Variants in PSMD6 observed in about 807,000 individuals in gnomAD.
PSMD6 encodes 26S proteasome non-ATPase regulatory subunit 6.
In PSMD6, 7 loss-of-function variants were observed where a neutral mutation model predicts 44.9. The observed-to-expected ratio is 0.16, with a 90% CI of 0.09 to 0.29. PSMD6 has a LOEUF of 0.29. Ranked by LOEUF, PSMD6 falls within the 10% of genes least tolerant of loss-of-function variation. PSMD6 has a pLI of 1.00. For missense variants in PSMD6, 420 were observed against 482.6 expected (o/e 0.87, Z 1.21); for synonymous variants, 184 against 172.7 (o/e 1.07, Z -0.51).
chr3:64,021,500 T>C (rs72878922), intron 2 of PSMD6, among the ~76,000 whole-genome samples: 7,481 of 152,298 alleles, frequency 0.049, 462 homozygotes, highest in African/African-American at 0.15. Flanking sequence ...CTTTTACATA[T>C]AAAATTTTAC....
intron 2 of PSMD6, among the ~76,000 whole-genome samples, chr3:64,020,712 C>T (rs959934766): frequency 5.3e-5 from 8 of 152,174 alleles, no homozygotes; most frequent in African/African-American, 1.9e-4. Flanking sequence ...CCAGTCTAAG[C>T]TTTTTCCTAT....
rs1186854907 is a variant in PSMD6 at position 64,022,299 on chromosome 3, G to A, written c.351+19C>T. On this transcript the variant is annotated intron_variant, in intron 2 of 7. Transcript: ENST00000295901. Reference sequence around the variant, plus strand: ...TTAGCCTATACTAACTACAGAGAGGGAAAACCATCTCTACTCACTTTGTCA... The same window carrying A: ...TTAGCCTATACTAACTACAGAGAGGAAAAACCATCTCTACTCACTTTGTCA... 12 of 1,613,374 alleles carry A rather than the reference G, an allele frequency of 7.4e-6. No homozygotes were observed. Among genetic ancestry groups the A allele is most frequent in the Non-Finnish European group, 1.0e-5 (12 of 1,179,546 alleles).
chr3:64,020,891 A>C (rs368959728), intron 2 of PSMD6, among the ~76,000 whole-genome samples: 1 of 152,162 alleles, frequency 6.6e-6, no homozygotes, highest in African/African-American at 2.4e-5. Context: ...TTCTATACCT[A>C]AATACTTCCA....
intron 2 of PSMD6, 100 bp downstream of exon 2, chr3:64,022,218 C>G: frequency 7.5e-7 from 1 of 1,334,190 alleles, no homozygotes; most frequent in Admixed American, 2.0e-5. Flanking sequence ...TATACTTTTT[C>G]TAAAACGAAG....
rs755052838 is a variant in PSMD6, at chr3:64,013,546, T to A, written c.888A>T (p.Val296=). The part of the protein sequence containing the change: ...WLFAPHYRYY[V]REMRIHAYSQ... ...TGTATGCATGAATTCTCATTTCTCT[T>A]ACATAGTATCGATAATGAGGGGCAA... is the stretch of plus-strand genomic sequence containing the variant. The change falls in exon 6 of 8, where the codon GTA becomes GTT. Residue 296 remains valine, a synonymous_variant. Coordinates refer to ENST00000295901, the MANE Select transcript of PSMD6 (RefSeq NM_014814.3). 6.2e-7 allele frequency: 1 copy of A among 1,613,668 alleles called. No homozygotes were observed. Among genetic ancestry groups the A allele is most frequent in the South Asian group, 1.1e-5 (1 of 91,004 alleles).
chr3:64,018,999 C>A lies in PSMD6; in HGVS notation c.536G>T (p.Arg179Leu). Residue 179 changes from arginine (R) to leucine (L), a missense_variant, in exon 4 of 8, where the codon CGC becomes CTC. By Grantham distance (102) the Arg-to-Leu change is moderately radical (BLOSUM62 -2). Around this residue, in one of 4 missense-constraint regions of PSMD6, gnomAD observed 216 missense variants for 227.0 expected, o/e 0.95. Transcript: ENST00000295901. Reference sequence around the variant, plus strand: ...ATAAAGACCCTGATACACTTTTAGGCGGTTTCTCCTGTCCCAGTCTCCTCC... The same window carrying A: ...ATAAAGACCCTGATACACTTTTAGGAGGTTTCTCCTGTCCCAGTCTCCTCC... ...EEGGDWDRRN[R>L]LKVYQGLYCV... 1 of 1,612,040 alleles carries A rather than the reference C, an allele frequency of 6.2e-7. No individual in the cohort carries two copies. The highest frequency in any genetic ancestry group is 8.5e-7 in the Non-Finnish European group (1 of 1,178,160).
chr3:64,020,764 TAC>T (rs1323090445), intron 2 of PSMD6, among the ~76,000 whole-genome samples: 2 of 152,250 alleles, frequency 1.3e-5, no homozygotes, highest in Non-Finnish European at 2.9e-5. Context: ...ACTCCTGTTT[TAC>T]ACATGAGGAA....
chr3:64,012,804 A>C (rs2075981706), intron 6 of PSMD6: 1 of 152,170 alleles, frequency 6.6e-6, no homozygotes, highest in Non-Finnish European at 1.5e-5. Context: ...TCACCTCCTT[A>C]AGCATGCCGT....
In PSMD6 at chr3:64,019,459, G is replaced by A. The variant is rs1187303153; in HGVS notation, c.352-18C>T. The A allele has an allele frequency of 1.2e-6, 2 of 1,602,320 alleles. No homozygotes were observed. The highest frequency in any genetic ancestry group is 2.2e-5 in the East Asian group (1 of 44,750). On this transcript the variant is annotated intron_variant, in intron 2 of 7. Coordinates refer to ENST00000295901, the MANE Select transcript of PSMD6 (RefSeq NM_014814.3). The stretch of plus-strand genomic sequence containing the variant: ...GCTCCCTCCTGTCAAGAAAGCCAAG[G>A]CAATAGGTGAGAAAAGGCTACAAGT...
At chr3:64,018,275 G>C (rs2076078189) in intron 5 of PSMD6, 1 of 183,048 alleles carries the variant, frequency 5.5e-6, no homozygotes, top group Admixed American at 5.6e-5. Flanking sequence ...TTAACCAGGG[G>C]TCTGGCAAAT....
At chr3:64,022,747 G>T in intron 1 of PSMD6, 1 of 1,536,514 alleles carries the variant, frequency 6.5e-7, no homozygotes, top group Non-Finnish European at 8.7e-7. Context: ...ACCTCTACTA[G>T]GGCTGGAGGG....
At chr3:64,019,265 G>A in intron 3 of PSMD6, 31 bp downstream of exon 3, 1 of 1,541,228 alleles carries the variant, frequency 6.5e-7, no homozygotes, top group Non-Finnish European at 8.9e-7. Flanking sequence ...TCATAATTTA[G>A]AGAAAATATA....
chr3:64,013,688 T>C (rs1381994306), intron 5 of PSMD6, 81 bp from the exon 6 acceptor site: 2 of 1,272,228 alleles, frequency 1.6e-6, no homozygotes, highest in Non-Finnish European at 2.1e-6. Context: ...CACTACTAGT[T>C]GAGTCCAACA....
At chr3:64,016,818 T>TCCA (rs1279238473) in intron 5 of PSMD6, 1 of 152,140 alleles carries the variant, frequency 6.6e-6, no homozygotes, top group Non-Finnish European at 1.5e-5. Context: ...ATGCAGCCAT[T>TCCA]CCACTCCATA....
intron 4 of PSMD6, 26 bp from the exon 5 acceptor site, chr3:64,018,733 CA>C (rs11376250): frequency 1.9e-5 from 28 of 1,510,728 alleles, no homozygotes; most frequent in African/African-American, 2.9e-5. Flanking sequence ...AACATATATA[CA>C]AAAAAAATGT....
Position 64,023,069 on chromosome 3 carries a change from G to C in PSMD6, c.145+206C>G, listed in dbSNP as rs887988165. The C allele has an allele frequency of 3.5e-6, 5 of 1,429,474 alleles. No homozygotes were observed. In the African/African-American group the frequency reaches 4.3e-5, roughly 12 times the overall value. The allele number at this position is 1,429,474 out of a possible 1,614,324, so 88.5% of individuals were successfully genotyped here. A position where few individuals can be genotyped will look rare whatever the true frequency, so the allele number is the denominator to read the frequency against. On this transcript the variant is annotated intron_variant, in intron 1 of 7. Transcript: ENST00000295901. ...CCCTTACAGGGGAAGGCGGCACAGAGAGATGCAGACCCCGCTGAGGCAAGT... is the reference window on the plus strand; with the variant it reads ...CCCTTACAGGGGAAGGCGGCACAGACAGATGCAGACCCCGCTGAGGCAAGT...
In PSMD6 at chr3:64,010,740, G is replaced by A. The variant is rs145261156; in HGVS notation, c.1098C>T (p.Tyr366=). Residue 366 remains tyrosine (Y), a synonymous_variant, in exon 8 of 8, where the codon TAC becomes TAT. Transcript: ENST00000295901. ...TNRPDSKNWQ[Y]QETIKKGDLL... The stretch of plus-strand genomic sequence containing the variant: ...GATCTCCTTTCTTGATAGTTTCTTG[G>A]TACTGCCAGTTCTTGCTATCAGGTC... 2.0e-4 allele frequency: 314 copies of A among 1,609,940 alleles called. No individual in the cohort carries two copies. The highest frequency in any genetic ancestry group is 2.4e-4 in the Non-Finnish European group (286 of 1,177,086).
Position 64,010,551 on chromosome 3 carries a change from G to C in PSMD6, c.*117C>G. The C allele has an allele frequency of 1.4e-6, 1 of 696,954 alleles. No individual in the cohort carries two copies. The highest frequency in any genetic ancestry group is 2.3e-6 in the Non-Finnish European group (1 of 441,716). 43.2% of individuals were successfully genotyped at this position (696,954 alleles called of 1,614,324 possible). ...TATGTGTTTAAGAAAAAAATAAATG[G>C]AAAGAAACAACAATGCAGTATTTAT... On this transcript the variant is annotated 3_prime_UTR_variant, in exon 8 of 8. Transcript: ENST00000295901.
chr3:64,015,980 G>T (rs1392620004), intron 5 of PSMD6: 2 of 152,106 alleles, frequency 1.3e-5, no homozygotes, highest in African/African-American at 4.8e-5. Context: ...GAGGTCAGGA[G>T]ATCAAGACGA....
Sources: allele counts gnomAD v4.1 joint callset (sites outside exome capture counted in the v4.1 genomes callset), GRCh38; gene constraint gnomAD v4.1.1; regional missense constraint gnomAD v4.1.1; transcripts MANE v1.5; gene names NCBI Gene and HGNC (gene_info 2026-07-23, HGNC 2026-07-21).